DENND1B: variants seen among roughly 807,000 people sequenced by gnomAD.
DENND1B encodes the protein DENN domain-containing protein 1B.
DENND1B carries 59 observed loss-of-function variants against 90.1 expected under a neutral mutation model. That is an observed-to-expected ratio of 0.65 (90% CI 0.53 to 0.81). DENND1B has a LOEUF of 0.81. Among genes scored for constraint, DENND1B ranks in the 40% least tolerant of loss-of-function variants. DENND1B has a pLI of 0.00. For missense variants in DENND1B, 862 were observed against 912.6 expected, an observed-to-expected ratio of 0.94 and a Z score of 0.71; for synonymous variants, 337 against 324.6, an observed-to-expected ratio of 1.04 and a Z score of -0.41.
chr1:197,748,877 C>T (rs1228037553), intron 2 of DENND1B, among the ~76,000 whole-genome samples: 1 of 152,126 alleles, frequency 6.6e-6, no homozygotes, highest in African/African-American at 2.4e-5. Context: ...ATTAAAACTA[C>T]ATCTAAGTAT....
At chr1:197,731,005 C>T (rs188732680) in intron 2 of DENND1B, among the ~76,000 whole-genome samples, 1 of 152,072 alleles carries the variant, frequency 6.6e-6, no homozygotes, top group East Asian at 1.9e-4. Flanking sequence ...GTTGATATTA[C>T]CATATGACAA....
chr1:197,646,931 T>A (rs1046925183), intron 8 of DENND1B, 124 bp downstream of exon 8: 2 of 652,256 alleles, frequency 3.1e-6, no homozygotes, highest in Non-Finnish European at 5.0e-6. Flanking sequence ...AATGATTAAT[T>A]TTCTTAAGAG....
At position 197,506,377 on chromosome 1, in the gene DENND1B, G is replaced by A. The variant is rs1470504928; in HGVS notation, c.*4083C>T. ...CCAGGAACATTAGTACTGACATAGG[G>A]TTTGTAAAAACTATTTCCTACATTA... is the stretch of plus-strand genomic sequence containing the variant. On this transcript the variant is annotated 3_prime_UTR_variant, in exon 23 of 23. Coordinates refer to ENST00000620048, the MANE Select transcript of DENND1B (RefSeq NM_001195215.2). The A allele has an allele frequency of 6.6e-6, 1 of 151,446 alleles. No homozygotes were observed. The highest frequency in any genetic ancestry group is 1.5e-5 in the Non-Finnish European group (1 of 67,592). 9.4% of individuals were successfully genotyped at this position (151,446 alleles called of 1,614,324 possible).
At chr1:197,563,307 A>AACT (rs1415967415) in intron 15 of DENND1B, among the ~76,000 whole-genome samples, 1 of 152,034 alleles carries the variant, frequency 6.6e-6, no homozygotes. Context: ...AAAGCTTCAA[A>AACT]GGACAGGCCA....
chr1:197,702,739 T>C (rs1347877250), intron 3 of DENND1B, among the ~76,000 whole-genome samples: 2 of 152,186 alleles, frequency 1.3e-5, no homozygotes, highest in East Asian at 3.9e-4. Context: ...GCTCTGGCAG[T>C]CTGTTAAAAT....
chr1:197,629,252 C>T (rs1679092882), intron 10 of DENND1B, among the ~76,000 whole-genome samples: 1 of 151,930 alleles, frequency 6.6e-6, no homozygotes, highest in South Asian at 2.1e-4. Flanking sequence ...GCACTATTCA[C>T]AATAGCAAAG....
At chr1:197,645,628 G>A in intron 9 of DENND1B, 62 bp downstream of exon 9, 1 of 1,044,042 alleles carries the variant, frequency 9.6e-7, no homozygotes, top group Non-Finnish European at 1.3e-6. Flanking sequence ...CATAAACAGT[G>A]AGACCAAAAT....
intron 5 of DENND1B, among the ~76,000 whole-genome samples, chr1:197,659,430 G>A (rs367601923): frequency 5.3e-5 from 8 of 151,802 alleles, no homozygotes; most frequent in South Asian, 2.1e-4. Flanking sequence ...ATGTTATAGC[G>A]TTATTTAAAA....
intron 2 of DENND1B, chr1:197,735,434 A>C (rs1662552687): frequency 6.9e-7 from 1 of 1,457,760 alleles, no homozygotes; most frequent in Non-Finnish European, 9.0e-7. Context: ...AATACTCTGA[A>C]GCTACTTCTC....
At chr1:197,719,906 G>C (rs190067447) in intron 2 of DENND1B, among the ~76,000 whole-genome samples, 1 of 152,282 alleles carries the variant, frequency 6.6e-6, no homozygotes, top group African/African-American at 2.4e-5. Context: ...AAGACTGTAG[G>C]ATTCAGAAAT....
chr1:197,662,995 GT>G (rs1446246326), intron 5 of DENND1B, among the ~76,000 whole-genome samples: 4 of 151,938 alleles, frequency 2.6e-5, no homozygotes, highest in African/African-American at 9.7e-5. Context: ...TTTAAGTTTG[GT>G]ATTGCTTCTG....
At chr1:197,592,189 G>C (rs991276690) in intron 14 of DENND1B, among the ~76,000 whole-genome samples, 2 of 151,126 alleles carry the variant, frequency 1.3e-5, no homozygotes, top group African/African-American at 4.9e-5. Flanking sequence ...GCAAGAGAGG[G>C]ACCGTGAAAA....
At chr1:197,685,733 G>C (rs1397105300) in intron 3 of DENND1B, 2 of 151,924 alleles carry the variant, frequency 1.3e-5, no homozygotes, top group Admixed American at 6.6e-5. Flanking sequence ...ACTGCACTCA[G>C]ACCAGCCCCA....
At chr1:197,584,309 T>C (rs996509116) in intron 14 of DENND1B, among the ~76,000 whole-genome samples, 4 of 152,176 alleles carry the variant, frequency 2.6e-5, no homozygotes, top group Non-Finnish European at 4.4e-5. Context: ...ATAAAGTTAA[T>C]ACACTATAGA....
chr1:197,780,868 A>G, the DENND1B span, among the ~76,000 whole-genome samples: 1 of 152,124 alleles, frequency 6.6e-6, no homozygotes, highest in Non-Finnish European at 1.5e-5. Flanking sequence ...AAAAGTCCCC[A>G]ACTTATATAT....
At chr1:197,544,928 A>AAG (rs1558222345) in intron 18 of DENND1B, among the ~76,000 whole-genome samples, 25 of 684 alleles carry the variant, frequency 0.037, no homozygotes, top group African/African-American at 0.049. Context: ...AGAAGAAAAG[A>AAG]GAAGAAGAAG....
rs964145614 is a variant in DENND1B, at chr1:197,558,860, C to T, written c.1150-5748G>A. 9.9e-5 allele frequency among the ~76,000 whole-genome samples: 15 copies of T among 151,964 alleles called. No individual in the cohort carries two copies. The East Asian group carries it at 2.9e-3, about 29-fold the overall frequency. ...TTTAAATATACTTCAGTAAGTAATA[C>T]TGTTAAATGAAAATTAACATTCACT... is the stretch of plus-strand genomic sequence containing the variant. On this transcript the variant is annotated intron_variant, in intron 15 of 22. Transcript: ENST00000620048.
intron 20 of DENND1B, among the ~76,000 whole-genome samples, chr1:197,528,996 T>C (rs898150737): frequency 9.2e-5 from 14 of 151,984 alleles, no homozygotes; most frequent in African/African-American, 3.4e-4. Flanking sequence ...GTAGAAATTA[T>C]GACTATTAAA....
intron 3 of DENND1B, among the ~76,000 whole-genome samples, chr1:197,684,135 C>A (rs1238405701): frequency 6.6e-6 from 1 of 152,198 alleles, no homozygotes; most frequent in Non-Finnish European, 1.5e-5. Context: ...CTTGCTTTAT[C>A]TTCCTAATAA....
Sources: gnomAD v4.1 joint callset for allele counts (sites outside exome capture counted in the v4.1 genomes callset) on GRCh38, gnomAD v4.1.1 for gene constraint, MANE v1.5 for transcripts, NCBI Gene and HGNC (gene_info 2026-07-23, HGNC 2026-07-21) for gene names.